Variants in MTUS2 observed in about 807,000 individuals in gnomAD.
MTUS2 encodes the protein microtubule associated scaffold protein 2.
MTUS2 carries 40 observed loss-of-function variants against 114.1 expected under a neutral mutation model. The ratio of observed to expected loss-of-function variants is 0.35; its 90% CI spans 0.27 to 0.46. The LOEUF is 0.46. Ranked by LOEUF, MTUS2 falls within the 20% of genes least tolerant of loss-of-function variation. MTUS2 has a pLI of 1.00. For missense variants in MTUS2, 1,679 were observed against 1,705.4 expected, an observed-to-expected ratio of 0.98 and a Z score of 0.27; for synonymous variants, 688 against 672.0, an observed-to-expected ratio of 1.02 and a Z score of -0.37.
At chr13:29,311,127 C>A (rs1899739502) in intron 6 of MTUS2, among the ~76,000 whole-genome samples, 1 of 152,134 alleles carries the variant, frequency 6.6e-6, no homozygotes, top group Admixed American at 6.6e-5. Flanking sequence ...CCACAGAATC[C>A]AGACAGTGTG....
intron 2 of MTUS2, 59 bp downstream of exon 2, chr13:28,839,909 G>C (rs1472359412): frequency 6.7e-6 from 1 of 149,664 alleles, no homozygotes; most frequent in Non-Finnish European, 1.5e-5. Context: ...GCCTGTGATT[G>C]TCTCTCAAAT....
chr13:29,060,813 T>TTG (rs1888381616), intron 4 of MTUS2, among the ~76,000 whole-genome samples: 1 of 149,714 alleles, frequency 6.7e-6, no homozygotes, highest in South Asian at 2.1e-4. Context: ...TTTTTTTTTT[T>TTG]TTTTTGAGCC....
At chr13:28,895,758 C>T (rs1327375479) in intron 2 of MTUS2, among the ~76,000 whole-genome samples, 1 of 152,190 alleles carries the variant, frequency 6.6e-6, no homozygotes, top group Non-Finnish European at 1.5e-5. Flanking sequence ...ATGGTAGCCA[C>T]TAGCACCAGT....
At chr13:29,322,490 G>A (rs1451622229) in intron 6 of MTUS2, among the ~76,000 whole-genome samples, 1 of 152,196 alleles carries the variant, frequency 6.6e-6, no homozygotes, top group Non-Finnish European at 1.5e-5. Context: ...AGCAGGGGTT[G>A]GAGGGGTACA....
rs191641453 is a variant in MTUS2 at position 28,941,031 on chromosome 13, A to G, written c.-242-83426A>G. On this transcript the variant is annotated intron_variant, in intron 2 of 15. Transcript: ENST00000612955. ...TGGACATAAAGAGGGAATGATAGCT[A>G]TACTAAATATGTAGGTAACTAATAG... 1.3e-4 allele frequency among the ~76,000 whole-genome samples: 19 copies of G among 151,874 alleles called. No homozygotes were observed. In the East Asian group the frequency reaches 3.5e-3, roughly 28 times the overall value.
intron 2 of MTUS2, among the ~76,000 whole-genome samples, chr13:28,862,381 C>T (rs149014202): frequency 2.1e-3 from 323 of 152,310 alleles, no homozygotes; most frequent in African/African-American, 2.7e-3. Flanking sequence ...AAGGCCGAGG[C>T]GGGTGCATCA....
chr13:29,461,583 T>A (rs1384335912), intron 9 of MTUS2, among the ~76,000 whole-genome samples: 1 of 152,234 alleles, frequency 6.6e-6, no homozygotes, highest in Non-Finnish European at 1.5e-5. Context: ...CACTCTGTTC[T>A]CACTGGTGGA....
At chr13:29,091,542 C>T (rs1466923400) in intron 4 of MTUS2, among the ~76,000 whole-genome samples, 2 of 152,194 alleles carry the variant, frequency 1.3e-5, no homozygotes, top group African/African-American at 2.4e-5. Context: ...GAGCTTTTGC[C>T]CAGTAGGCTT....
intron 5 of MTUS2, among the ~76,000 whole-genome samples, chr13:29,110,501 A>T (rs923031901): frequency 3.9e-5 from 6 of 152,144 alleles, no homozygotes; most frequent in African/African-American, 1.2e-4. Context: ...TTAAGTATCT[A>T]GTTCCCTGGA....
intron 7 of MTUS2, among the ~76,000 whole-genome samples, chr13:29,344,327 G>A (rs1383251997): frequency 6.6e-6 from 1 of 152,008 alleles, no homozygotes; most frequent in African/African-American, 2.4e-5. Flanking sequence ...AAATTTGGGA[G>A]CTCCAGTGTT....
At chr13:29,005,155 G>A (rs1392699927) in intron 2 of MTUS2, among the ~76,000 whole-genome samples, 2 of 152,190 alleles carry the variant, frequency 1.3e-5, no homozygotes, top group African/African-American at 4.8e-5. Context: ...TCAGGTCAAT[G>A]CTTAATGTAC....
chr13:29,295,776 G>C (rs1480358319), intron 6 of MTUS2, among the ~76,000 whole-genome samples: 1 of 152,212 alleles, frequency 6.6e-6, no homozygotes, highest in African/African-American at 2.4e-5. Context: ...CATGGTGGAA[G>C]GTGAAAGAGG....
chr13:28,876,235 T>C (rs1315156864), intron 2 of MTUS2, among the ~76,000 whole-genome samples: 1 of 152,192 alleles, frequency 6.6e-6, no homozygotes, highest in African/African-American at 2.4e-5. Flanking sequence ...TACTGAATAT[T>C]GGGTTGGGGT....
chr13:29,149,794 T>C (rs1219186822), intron 5 of MTUS2, among the ~76,000 whole-genome samples: 1 of 152,210 alleles, frequency 6.6e-6, no homozygotes, highest in Non-Finnish European at 1.5e-5. Flanking sequence ...TGCTTGTTTT[T>C]GTTAGCTTTT....
At chr13:29,223,890 G>C (rs934327132) in intron 5 of MTUS2, among the ~76,000 whole-genome samples, 1 of 152,204 alleles carries the variant, frequency 6.6e-6, no homozygotes, top group Non-Finnish European at 1.5e-5. Context: ...CCCTGTGCCA[G>C]CCATGAAAGC....
At chr13:28,891,593 C>G (rs1479522895) in intron 2 of MTUS2, among the ~76,000 whole-genome samples, 1 of 151,908 alleles carries the variant, frequency 6.6e-6, no homozygotes, top group East Asian at 1.9e-4. Flanking sequence ...ATAAGAATAA[C>G]AACAGGCTGG....
chr13:28,894,295 AGAGAGAGAGG>A (rs1566203608), intron 2 of MTUS2, among the ~76,000 whole-genome samples: 1 of 4,528 alleles, frequency 2.2e-4, no homozygotes, highest in African/African-American at 1.2e-3. Context: ...GGGGGGAGAG[AGAGAGAGAGG>A]GGGGGGGGGA....
At chr13:29,048,249 A>C (rs1408923330) in intron 4 of MTUS2, among the ~76,000 whole-genome samples, 3 of 152,070 alleles carry the variant, frequency 2.0e-5, no homozygotes, top group Non-Finnish European at 4.4e-5. Flanking sequence ...GTCTTACTTG[A>C]CATGTTAAGT....
At chr13:29,164,417 G>A (rs1164280346) in intron 5 of MTUS2, among the ~76,000 whole-genome samples, 4 of 152,180 alleles carry the variant, frequency 2.6e-5, no homozygotes, top group Non-Finnish European at 5.9e-5. Flanking sequence ...GCGCTACAGT[G>A]GGAAGACATG....
Sources: gnomAD v4.1 joint callset for allele counts (sites outside exome capture counted in the v4.1 genomes callset) on GRCh38, gnomAD v4.1.1 for gene constraint, MANE v1.5 for transcripts, NCBI Gene and HGNC (gene_info 2026-07-23, HGNC 2026-07-21) for gene names.